SORCS3: variants seen among roughly 807,000 people sequenced by gnomAD.
SORCS3 encodes sortilin related VPS10 domain containing receptor 3, also known as VPS10 domain-containing receptor SorCS3.
In SORCS3, 57 loss-of-function variants were observed where a neutral mutation model predicts 146.3. That is an observed-to-expected ratio of 0.39 (90% CI 0.31 to 0.49). SORCS3 has a LOEUF of 0.49. Ranked by LOEUF, SORCS3 falls within the 20% of genes least tolerant of loss-of-function variation. The probability of loss-of-function intolerance (pLI) is 0.92; values close to 1 mark genes in which losing one functional copy is unlikely to be tolerated. For synonymous variants in SORCS3, 653 were observed against 618.5 expected (o/e 1.06, Z -0.83); for missense variants, 1,341 against 1,575.5 (o/e 0.85, Z 2.52).
intron 2 of SORCS3, among the ~76,000 whole-genome samples, chr10:104,866,038 A>G (rs922050941): frequency 6.6e-6 from 1 of 152,212 alleles, no homozygotes; most frequent in Non-Finnish European, 1.5e-5. Context: ...GAGAGAAGAA[A>G]TGCACATAGA....
At chr10:105,143,332 G>A (rs566668381) in intron 8 of SORCS3, among the ~76,000 whole-genome samples, 17 of 151,912 alleles carry the variant, frequency 1.1e-4, no homozygotes, top group African/African-American at 4.1e-4. Context: ...ATTCTGCATG[G>A]CTCCTAGGTG....
At chr10:105,100,050 A>G (rs964705) in intron 6 of SORCS3, among the ~76,000 whole-genome samples, 3 of 152,036 alleles carry the variant, frequency 2.0e-5, no homozygotes, top group Non-Finnish European at 4.4e-5. Flanking sequence ...CCACGTCTGT[A>G]TGGTGAGAAG....
In SORCS3 at chr10:105,263,841, G is replaced by A. The variant is rs2056975970; in HGVS notation, c.*467G>A. The A allele has an allele frequency of 6.4e-6, 1 of 156,726 alleles. No individual in the cohort carries two copies. The highest frequency in any genetic ancestry group is 6.3e-5 in the Admixed American group (1 of 15,866). 9.7% of individuals were successfully genotyped at this position (156,726 alleles called of 1,614,324 possible). A position where few individuals can be genotyped will look rare whatever the true frequency, so the allele number is the denominator to read the frequency against. ...GGGTGGATGTAGCTGCAGAAAGCAT[G>A]CACAACTTTGTGAAAGAGGCCCTGC... On this transcript the variant is annotated 3_prime_UTR_variant, in exon 27 of 27. Transcript: ENST00000369701.
intron 5 of SORCS3, among the ~76,000 whole-genome samples, chr10:105,058,873 T>C (rs1303354586): frequency 1.3e-5 from 2 of 152,206 alleles, no homozygotes; most frequent in African/African-American, 4.8e-5. Flanking sequence ...TTAAAAAATA[T>C]ATTGTACTTG....
At chr10:104,728,546 G>T (rs985668840) in intron 1 of SORCS3, among the ~76,000 whole-genome samples, 1 of 152,182 alleles carries the variant, frequency 6.6e-6, no homozygotes, top group African/African-American at 2.4e-5. Flanking sequence ...AGAGTAGAAC[G>T]ATTAGGTGAT....
At chr10:104,974,167 A>G (rs1252489813) in intron 3 of SORCS3, among the ~76,000 whole-genome samples, 6 of 152,076 alleles carry the variant, frequency 3.9e-5, no homozygotes, top group South Asian at 2.1e-4. Flanking sequence ...AAGAATGTAT[A>G]TTTTTTGATT....
chr10:105,045,527 AT>A (rs375814707), intron 5 of SORCS3, among the ~76,000 whole-genome samples: 1,952 of 151,330 alleles, frequency 0.013, 24 homozygotes, highest in African/African-American at 0.034. Context: ...TTACATAGAC[AT>A]TTTTTTTTAA....
At chr10:104,875,920 T>C (rs728423) in intron 2 of SORCS3, among the ~76,000 whole-genome samples, 109,532 of 152,052 alleles carry the variant, frequency 0.72, 39,897 homozygotes, top group East Asian at 0.88. Flanking sequence ...TAGACTCACA[T>C]GGCAAAAGGA....
intron 20 of SORCS3, among the ~76,000 whole-genome samples, chr10:105,242,314 A>G (rs1163308557): frequency 7.6e-6 from 1 of 132,034 alleles, no homozygotes; most frequent in Non-Finnish European, 1.5e-5. Context: ...ATATATTTAT[A>G]TATATATTTA....
chr10:104,904,275 T>C (rs1310288428), intron 2 of SORCS3, among the ~76,000 whole-genome samples: 1 of 152,228 alleles, frequency 6.6e-6, no homozygotes, highest in African/African-American at 2.4e-5. Context: ...AATTTCAAGA[T>C]GATAATGCCC....
intron 9 of SORCS3, among the ~76,000 whole-genome samples, chr10:105,153,399 G>A (rs997232585): frequency 6.6e-6 from 1 of 152,134 alleles, no homozygotes; most frequent in Non-Finnish European, 1.5e-5. Flanking sequence ...GTGTGATTAT[G>A]AATAAAATAT....
chr10:105,175,736 T>A (rs1158872417), intron 13 of SORCS3, among the ~76,000 whole-genome samples: 1 of 152,204 alleles, frequency 6.6e-6, no homozygotes, highest in Non-Finnish European at 1.5e-5. Flanking sequence ...TATATTTTTT[T>A]AAAAGGCTGA....
intron 2 of SORCS3, among the ~76,000 whole-genome samples, chr10:104,860,313 G>A (rs1163205614): frequency 1.6e-5 from 2 of 122,112 alleles, no homozygotes; most frequent in African/African-American, 5.3e-5. Flanking sequence ...GTAAACTATC[G>A]CAAGAACAAA....
intron 20 of SORCS3, among the ~76,000 whole-genome samples, chr10:105,231,037 C>T (rs1234652568): frequency 6.6e-6 from 1 of 152,200 alleles, no homozygotes; most frequent in Non-Finnish European, 1.5e-5. Flanking sequence ...TTGCCCTTTT[C>T]TCATATTGGG....
intron 1 of SORCS3, among the ~76,000 whole-genome samples, chr10:104,708,304 G>A (rs1317918164): frequency 6.6e-6 from 1 of 152,130 alleles, no homozygotes; most frequent in Non-Finnish European, 1.5e-5. Context: ...AATGAATATG[G>A]GCTGCATGAG....
intron 1 of SORCS3, among the ~76,000 whole-genome samples, chr10:104,728,022 T>C (rs1307897502): frequency 3.1e-4 from 4 of 12,902 alleles, no homozygotes; most frequent in Non-Finnish European, 6.9e-4. Context: ...ATATAACAGT[T>C]CTATCTATCT....
intron 4 of SORCS3, among the ~76,000 whole-genome samples, chr10:105,017,726 C>A (rs2055176319): frequency 1.3e-5 from 2 of 152,252 alleles, no homozygotes; most frequent in South Asian, 4.1e-4. Context: ...ATGATCCACT[C>A]CTTATCCCTT....
chr10:104,708,920 G>A (rs935038399), intron 1 of SORCS3, among the ~76,000 whole-genome samples: 2 of 152,176 alleles, frequency 1.3e-5, no homozygotes, highest in African/African-American at 4.8e-5. Context: ...TATTGCAAAA[G>A]GGAAAGTGGC....
At chr10:104,879,337 G>A (rs1041834911) in intron 2 of SORCS3, among the ~76,000 whole-genome samples, 1 of 152,016 alleles carries the variant, frequency 6.6e-6, no homozygotes, top group Admixed American at 6.6e-5. Context: ...CATGGTCCCT[G>A]TCTCCATCTT....
Sources: allele counts gnomAD v4.1 joint callset (sites outside exome capture counted in the v4.1 genomes callset), GRCh38; gene constraint gnomAD v4.1.1; transcripts MANE v1.5; gene names NCBI Gene and HGNC (gene_info 2026-07-23, HGNC 2026-07-21).